FAP: variants seen among roughly 807,000 people sequenced by gnomAD.
The protein encoded by FAP is fibroblast activation protein alpha.
In FAP, 110 loss-of-function variants were observed where a neutral mutation model predicts 126.5. The observed-to-expected ratio is 0.87, with a 90% confidence interval of 0.74 to 1.02. FAP has a LOEUF of 1.02. Ranked by LOEUF, FAP falls within the 50% of genes least tolerant of loss-of-function variation. The pLI, the probability that FAP is intolerant of heterozygous loss-of-function variation, is 0.00. For synonymous variants in FAP, 334 were observed against 297.3 expected (o/e 1.12, Z -1.27); for missense variants, 919 against 909.2 (o/e 1.01, Z -0.14).
Position 162,171,050 on chromosome 2 carries a change from C to G in FAP, c.2212G>C (p.Gly738Arg). 6.2e-7 allele frequency: 1 copy of G among 1,612,942 alleles called. No homozygotes were observed. Among genetic ancestry groups the G allele is most frequent in the South Asian group, 1.1e-5 (1 of 91,034 alleles). Residue 738 changes from glycine to arginine, a missense_variant, in exon 26 of 26, where the codon GGC (glycine) becomes CGC (arginine). By Grantham distance (125) the Gly-to-Arg change is moderately radical (BLOSUM62 -2). Transcript: ENST00000188790. ...GTGTATAAGTGGTTCGTGGACAGGC[C>G]GGATAAGCCGTGGTTCTGGTCAGAG... is the stretch of plus-strand genomic sequence containing the variant. ...WYSDQNHGLS[G>R]LSTNHLYTHM...
At chr2:162,218,590 T>C (rs1466196080) in intron 8 of FAP, among the ~76,000 whole-genome samples, 1 of 151,718 alleles carries the variant, frequency 6.6e-6, no homozygotes, top group Non-Finnish European at 1.5e-5. Flanking sequence ...GATAGATAGA[T>C]AGATAGATAG....
rs1689225569 is a variant in FAP, at chr2:162,218,100, A to G, written c.648T>C (p.Pro216=). Residue 216 remains proline, a synonymous_variant, in exon 9 of 26, where the codon CCT becomes CCC. Coordinates refer to ENST00000188790, the MANE Select transcript of FAP (RefSeq NM_004460.5). ...LATKYALWWS[P]NGKFLAYAEF... is the part of the protein sequence containing the mutation. ...CCGCATATGCCAAAAATTTTCCATT[A>G]GGAGACCACCAGAGAGCATATTTTG... 1 of 1,609,810 alleles carries G rather than the reference A, an allele frequency of 6.2e-7. No homozygotes were observed. Among genetic ancestry groups the G allele is most frequent in the Non-Finnish European group, 8.5e-7 (1 of 1,177,920 alleles).
At chr2:162,197,035 C>G (rs911167010) in intron 16 of FAP, among the ~76,000 whole-genome samples, 1 of 152,168 alleles carries the variant, frequency 6.6e-6, no homozygotes, top group Non-Finnish European at 1.5e-5. Flanking sequence ...CAACGTAATA[C>G]AAAATGTGAG....
intron 2 of FAP, among the ~76,000 whole-genome samples, chr2:162,228,979 G>A (rs934612636): frequency 2.0e-5 from 3 of 152,074 alleles, no homozygotes; most frequent in African/African-American, 4.8e-5. Flanking sequence ...ATTTAAAAAT[G>A]TATAAAGTCC....
chr2:162,208,471 A>G (rs141481310), intron 12 of FAP, among the ~76,000 whole-genome samples: 1 of 152,332 alleles, frequency 6.6e-6, no homozygotes, highest in East Asian at 1.9e-4. Context: ...TGCTCAAGAT[A>G]ATGTCTTTGA....
In FAP at chr2:162,170,858, A is replaced by G; in HGVS notation, c.*121T>C. On this transcript the variant is annotated 3_prime_UTR_variant, in exon 26 of 26. Transcript: ENST00000188790. ...CATCTTTTTTTTAACAGCCTTTAGA[A>G]CAACATTAATTTGTTTGTTTATACT... 1 of 702,450 alleles carries G rather than the reference A, an allele frequency of 1.4e-6. No homozygotes were observed. Among genetic ancestry groups the G allele is most frequent in the East Asian group, 2.7e-5 (1 of 37,682 alleles). The allele number at this position is 702,450 out of a possible 1,614,324, so 43.5% of individuals were successfully genotyped here.
Position 162,198,866 on chromosome 2 carries a change from G to A in FAP, c.1293C>T (p.Ser431=). Residue 431 remains serine, a synonymous_variant, in exon 16 of 26, where the codon AGC becomes AGT. Transcript: ENST00000188790. ...TAACACACTTCTTGCTTGGAGGATAGCTTCCAATGCTAATTCTAGAGGGAA... is the reference window on the plus strand; with the variant it reads ...TAACACACTTCTTGCTTGGAGGATAACTTCCAATGCTAATTCTAGAGGGAA... ...RRNIYRISIG[S]YPPSKKCVTC... 6.2e-7 allele frequency: 1 copy of A among 1,613,424 alleles called. No homozygotes were observed. The highest frequency in any genetic ancestry group is 8.5e-7 in the Non-Finnish European group (1 of 1,179,398).
chr2:162,197,430 A>G (rs1046644829), intron 16 of FAP: 5 of 394,304 alleles, frequency 1.3e-5, no homozygotes, highest in Non-Finnish European at 2.5e-5. Flanking sequence ...AATGTTGCAT[A>G]TAACTTGAGA....
intron 20 of FAP, among the ~76,000 whole-genome samples, chr2:162,186,118 T>G (rs763794013): frequency 5.9e-5 from 9 of 152,232 alleles, no homozygotes; most frequent in Non-Finnish European, 8.8e-5. Flanking sequence ...GTGGCTTATT[T>G]ACTTTTACCA....
Position 162,183,464 on chromosome 2 carries a change from A to G in FAP, c.1819T>C (p.Phe607Leu). 1 of 1,606,730 alleles carries G rather than the reference A, an allele frequency of 6.2e-7. No homozygotes were observed. The highest frequency in any genetic ancestry group is 8.5e-7 in the Non-Finnish European group (1 of 1,174,368). ...VEDQITAVRK[F>L]IEMGFIDEKR... is the part of the protein sequence containing the mutation. ...TCATCAATGAAACCCATTTCTATGA[A>G]TTTTCTAAAGTAAAAGAAACAAATT... Residue 607 changes from phenylalanine to leucine, a missense_variant, in exon 21 of 26, where the codon TTC (phenylalanine) becomes CTC (leucine). Phe to Leu is a conservative substitution (Grantham distance 22, BLOSUM62 0). Coordinates refer to ENST00000188790, the MANE Select transcript of FAP (RefSeq NM_004460.5).
intron 12 of FAP, among the ~76,000 whole-genome samples, chr2:162,205,733 G>A (rs573860289): frequency 1.1e-3 from 171 of 152,152 alleles, no homozygotes; most frequent in Admixed American, 2.4e-3. Flanking sequence ...GGCTGGTCTC[G>A]AACTCCTGAC....
chr2:162,206,311 A>G (rs1688693988), intron 12 of FAP, among the ~76,000 whole-genome samples: 1 of 152,188 alleles, frequency 6.6e-6, no homozygotes, highest in African/African-American at 2.4e-5. Context: ...AGGCCCTTAC[A>G]CTGGTTTCTT....
intron 11 of FAP, among the ~76,000 whole-genome samples, chr2:162,210,931 A>T (rs2284867): frequency 0.035 from 5,381 of 152,290 alleles, 474 homozygotes; most frequent in Admixed American, 0.21. Flanking sequence ...AAGTATACCA[A>T]AAAGCTCTGG....
At chr2:162,213,374 CA>C (rs113581622) in intron 11 of FAP, among the ~76,000 whole-genome samples, 6 of 89,628 alleles carry the variant, frequency 6.7e-5, no homozygotes, top group East Asian at 5.9e-4. Context: ...GACGCCATCT[CA>C]AAAAAAAAAC....
chr2:162,171,162 C>G (rs1271181285), intron 25 of FAP, 82 bp from the exon 26 acceptor site: 5 of 955,658 alleles, frequency 5.2e-6, no homozygotes, highest in Non-Finnish European at 3.3e-6. Context: ...CTCTCAGGAC[C>G]TGATAATCTT....
intron 5 of FAP, 128 bp from the exon 6 acceptor site, chr2:162,223,788 G>T: frequency 1.6e-6 from 1 of 640,310 alleles, no homozygotes; most frequent in Non-Finnish European, 2.8e-6. Flanking sequence ...AAGGCACTAG[G>T]AAGAATATGT....
At position 162,198,777 on chromosome 2, in the gene FAP, T is replaced by C. The variant is rs779560068; in HGVS notation, c.1382A>G (p.Tyr461Cys). ...CCTACCGTAGCAGACAAGTGCATAG[T>C]ACTTGGCGTAGTCGCTGAAACTTGC... ...YTASFSDYAK[Y>C]YALVCYGPGI... The change falls in exon 16 of 26, where the codon TAC becomes TGC. Residue 461 changes from tyrosine (Y) to cysteine (C), a missense_variant. By Grantham distance (194) the Tyr-to-Cys change is radical. Transcript: ENST00000188790. The C allele has an allele frequency of 1.2e-6, 2 of 1,614,122 alleles. No homozygotes were observed. The highest frequency in any genetic ancestry group is 1.7e-4 in the Middle Eastern group (1 of 6,060).
intron 25 of FAP, 71 bp from the exon 26 acceptor site, chr2:162,171,151 G>A: frequency 8.7e-7 from 1 of 1,146,598 alleles, no homozygotes; most frequent in Non-Finnish European, 1.3e-6. Flanking sequence ...ACTTTTTTGT[G>A]CTCTCAGGAC....
chr2:162,218,976 A>T, intron 8 of FAP, 87 bp downstream of exon 8: 1 of 1,057,174 alleles, frequency 9.5e-7, no homozygotes, highest in Non-Finnish European at 1.3e-6. Flanking sequence ...GAAATAAGAT[A>T]CTACTCATCT....
Sources: gnomAD v4.1 joint callset for allele counts (sites outside exome capture counted in the v4.1 genomes callset) on GRCh38, gnomAD v4.1.1 for gene constraint, MANE v1.5 for transcripts, NCBI Gene and HGNC (gene_info 2026-07-23, HGNC 2026-07-21) for gene names.